The following TEAD1 variants were observed in gnomAD, a reference collection of about 807,000 sequenced individuals.
TEAD1 encodes transcriptional enhancer factor TEF-1.
TEAD1 carries 9 observed loss-of-function variants against 54.9 expected under a neutral mutation model. The observed-to-expected ratio is 0.16, with a 90% CI of 0.10 to 0.29. The LOEUF (loss-of-function observed/expected upper bound fraction) is 0.29. Among genes scored for constraint, TEAD1 ranks in the 10% least tolerant of loss-of-function variants. The pLI is 1.00. For synonymous variants in TEAD1, 200 were observed against 187.8 expected, an observed-to-expected ratio of 1.07 and a Z score of -0.53; for missense variants, 387 against 535.9, an observed-to-expected ratio of 0.72 and a Z score of 2.74.
intron 2 of TEAD1, among the ~76,000 whole-genome samples, chr11:12,685,358 G>A (rs1429670900): frequency 6.6e-6 from 1 of 152,168 alleles, no homozygotes; most frequent in Admixed American, 6.5e-5. Flanking sequence ...TCACAACCCT[G>A]GGAGTCTACT....
intron 2 of TEAD1, among the ~76,000 whole-genome samples, chr11:12,720,026 G>T: frequency 8.9e-6 from 1 of 112,972 alleles, no homozygotes; most frequent in East Asian, 3.0e-4. Flanking sequence ...GTGTCTTGTA[G>T]ATCTCATAGC....
chr11:12,703,855 C>A (rs2133841974), intron 2 of TEAD1, among the ~76,000 whole-genome samples: 1 of 152,150 alleles, frequency 6.6e-6, no homozygotes, highest in South Asian at 2.1e-4. Context: ...AAAATTCTTC[C>A]CTGCTATAGT....
chr11:12,865,678 G>T (rs2134073057), intron 5 of TEAD1: 1 of 152,206 alleles, frequency 6.6e-6, no homozygotes, highest in Admixed American at 6.5e-5. Flanking sequence ...TGGGGGCATT[G>T]ATAATTTTTC....
At chr11:12,839,224 A>G (rs538388696) in intron 3 of TEAD1, among the ~76,000 whole-genome samples, 3 of 152,276 alleles carry the variant, frequency 2.0e-5, no homozygotes, top group African/African-American at 7.2e-5. Context: ...CAGCCTGGCT[A>G]ACATAGTGAA....
At chr11:12,894,149 A>G (rs1245258648) in intron 9 of TEAD1, among the ~76,000 whole-genome samples, 1 of 152,112 alleles carries the variant, frequency 6.6e-6, no homozygotes, top group Non-Finnish European at 1.5e-5. Flanking sequence ...TCCTAAGTGG[A>G]TTATAATTTT....
intron 9 of TEAD1, among the ~76,000 whole-genome samples, chr11:12,892,665 A>T (rs1046037400): frequency 4.6e-5 from 7 of 151,802 alleles, no homozygotes; most frequent in African/African-American, 1.7e-4. Flanking sequence ...AAACAAAAAT[A>T]AAAAAGAAGC....
chr11:12,704,501 C>T (rs1943771626), intron 2 of TEAD1, among the ~76,000 whole-genome samples: 1 of 152,248 alleles, frequency 6.6e-6, no homozygotes, highest in African/African-American at 2.4e-5. Flanking sequence ...TATTGTCCAG[C>T]TCTTGCTTCT....
intron 10 of TEAD1, among the ~76,000 whole-genome samples, chr11:12,915,843 C>T (rs1210049869): frequency 6.6e-6 from 1 of 151,938 alleles, no homozygotes; most frequent in Non-Finnish European, 1.5e-5. Context: ...GACTCTGTCT[C>T]AGAAAAAAGA....
intron 2 of TEAD1, among the ~76,000 whole-genome samples, chr11:12,692,550 T>C (rs1381900700): frequency 6.6e-6 from 1 of 152,136 alleles, no homozygotes; most frequent in Admixed American, 6.5e-5. Context: ...ATGTAATGGT[T>C]CCTCTGTATT....
chr11:12,794,150 AG>A (rs1326124317), intron 3 of TEAD1, among the ~76,000 whole-genome samples: 1 of 152,206 alleles, frequency 6.6e-6, no homozygotes, highest in African/African-American at 2.4e-5. Flanking sequence ...TACCACTTCT[AG>A]GTATGAGCTG....
intron 3 of TEAD1, among the ~76,000 whole-genome samples, chr11:12,778,147 A>T (rs578171836): frequency 5.3e-5 from 8 of 152,308 alleles, no homozygotes; most frequent in Non-Finnish European, 1.2e-4. Flanking sequence ...ACCATGGCCT[A>T]GAGAGGTTTA....
chr11:12,779,054 G>T (rs1945490903), intron 3 of TEAD1, among the ~76,000 whole-genome samples: 1 of 152,192 alleles, frequency 6.6e-6, no homozygotes, highest in South Asian at 2.1e-4. Context: ...TTTCCCTGGT[G>T]TATACTGGAC....
intron 9 of TEAD1, among the ~76,000 whole-genome samples, chr11:12,896,640 G>A (rs1252785399): frequency 6.6e-6 from 1 of 152,198 alleles, no homozygotes; most frequent in African/African-American, 2.4e-5. Flanking sequence ...CTTATAAAAA[G>A]AGCAGGTAAA....
chr11:12,937,027 C>T lies in TEAD1; in HGVS notation c.1168-82C>T. ...TCTTGGACTTAAGACTTGTTCTTCT[C>T]CAATTAAGTCATAGTCGTCATACAC... On this transcript the variant is annotated intron_variant, in intron 12 of 12. Transcript: ENST00000527636. The T allele has an allele frequency of 3.2e-6, 3 of 947,782 alleles. No individual in the cohort carries two copies. In the South Asian group the frequency reaches 4.1e-5, roughly 13 times the overall value. 58.7% of individuals were successfully genotyped at this position (947,782 alleles called of 1,614,324 possible). A position where few individuals can be genotyped will look rare whatever the true frequency, so the allele number is the denominator to read the frequency against.
chr11:12,894,493 C>G (rs1326208694), intron 9 of TEAD1, among the ~76,000 whole-genome samples: 1 of 152,162 alleles, frequency 6.6e-6, no homozygotes, highest in African/African-American at 2.4e-5. Context: ...TTTGTTTCAT[C>G]TACAGTGATG....
chr11:12,902,793 C>T (rs1170763307), intron 10 of TEAD1, among the ~76,000 whole-genome samples: 1 of 152,054 alleles, frequency 6.6e-6, no homozygotes, highest in Non-Finnish European at 1.5e-5. Context: ...TGTGTCCTGC[C>T]AAACCCCTGT....
intron 3 of TEAD1, among the ~76,000 whole-genome samples, chr11:12,773,401 C>G (rs1945352507): frequency 6.6e-6 from 1 of 152,224 alleles, no homozygotes; most frequent in African/African-American, 2.4e-5. Flanking sequence ...CACCTGCAAT[C>G]TAGTTTCTCT....
At chr11:12,830,433 A>G (rs978616694) in intron 3 of TEAD1, among the ~76,000 whole-genome samples, 3 of 152,116 alleles carry the variant, frequency 2.0e-5, no homozygotes, top group African/African-American at 7.2e-5. Context: ...CTCTCCTACC[A>G]GCTCCTGAAG....
chr11:12,721,157 T>C (rs1318060912), intron 2 of TEAD1, among the ~76,000 whole-genome samples: 1 of 152,226 alleles, frequency 6.6e-6, no homozygotes, highest in Non-Finnish European at 1.5e-5. Context: ...GTTACTAGTC[T>C]CCCATGCAGT....
Sources: gnomAD v4.1 joint callset for allele counts (sites outside exome capture counted in the v4.1 genomes callset) on GRCh38, gnomAD v4.1.1 for gene constraint, MANE v1.5 for transcripts, NCBI Gene and HGNC (gene_info 2026-07-23, HGNC 2026-07-21) for gene names.